GABRA5: variants seen among roughly 807,000 people sequenced by gnomAD.
GABRA5 encodes gamma-aminobutyric acid receptor subunit alpha-5.
A neutral mutation model predicts 47.3 loss-of-function variants in GABRA5; 18 were observed. That is an observed-to-expected ratio of 0.38 (90% CI 0.26 to 0.56). GABRA5 has a LOEUF of 0.56. GABRA5 is among the 20% of genes least tolerant of loss of function. GABRA5 has a pLI of 0.71. For synonymous variants in GABRA5, 237 were observed against 229.3 expected (o/e 1.03, Z -0.30); for missense variants, 365 against 599.3 (o/e 0.61, Z 4.08).
Position 26,883,053 on chromosome 15 carries a change from G to A in GABRA5, c.209-113G>A. ...GTCCTCCAAATTTACCAAACGCACT[G>A]CAAAAGCCCCCGGTTGCAGAGGGTG... On this transcript the variant is annotated intron_variant, in intron 4 of 10. Coordinates refer to ENST00000335625, the MANE Select transcript of GABRA5 (RefSeq NM_000810.4). This position sits in a 1 kb window ranked among gnomAD's most constrained non-coding sequence, Gnocchi z 4.8. The A allele has an allele frequency of 1.2e-6, 1 of 849,546 alleles. No individual in the cohort carries two copies. Among genetic ancestry groups the A allele is most frequent in the Non-Finnish European group, 2.0e-6 (1 of 489,978 alleles). 52.6% of individuals were successfully genotyped at this position (849,546 alleles called of 1,614,324 possible).
At chr15:26,945,267 T>A (rs1386787629) in intron 10 of GABRA5, among the ~76,000 whole-genome samples, 1 of 152,180 alleles carries the variant, frequency 6.6e-6, no homozygotes, top group African/African-American at 2.4e-5. Context: ...GGTCAGACAC[T>A]GGCGCGAGCG....
intron 8 of GABRA5, 105 bp downstream of exon 8, chr15:26,937,433 G>A (rs1370790131): frequency 1.2e-5 from 14 of 1,207,296 alleles, no homozygotes; most frequent in Admixed American, 5.8e-5. Flanking sequence ...GTGGGAGGCC[G>A]CACAGCAGCC....
At chr15:26,928,259 G>A (rs1434309759) in intron 7 of GABRA5, among the ~76,000 whole-genome samples, 3 of 152,166 alleles carry the variant, frequency 2.0e-5, no homozygotes, top group Non-Finnish European at 4.4e-5. Flanking sequence ...AATTATGCCT[G>A]CTGTTGCATT....
chr15:26,943,125 C>CT (rs1894424055), intron 9 of GABRA5, 90 bp from the exon 10 acceptor site: 1 of 824,800 alleles, frequency 1.2e-6, no homozygotes, highest in African/African-American at 1.8e-5. Flanking sequence ...CCCTTTGTGT[C>CT]TATCACTTTG....
intron 6 of GABRA5, among the ~76,000 whole-genome samples, chr15:26,888,867 C>A (rs968096415): frequency 1.3e-5 from 2 of 152,186 alleles, no homozygotes; most frequent in African/African-American, 4.8e-5. Flanking sequence ...CAAGTCCCCC[C>A]GGTAGGCTCT....
At chr15:26,911,135 C>T (rs2140290300) in intron 6 of GABRA5, among the ~76,000 whole-genome samples, 1 of 149,434 alleles carries the variant, frequency 6.7e-6, no homozygotes, top group East Asian at 2.0e-4. Context: ...AGAGGAGAGA[C>T]ACTATCATAG....
At chr15:26,877,500 G>A (rs910279154) in intron 3 of GABRA5, among the ~76,000 whole-genome samples, 1 of 152,194 alleles carries the variant, frequency 6.6e-6, no homozygotes, top group East Asian at 1.9e-4. Flanking sequence ...AACAAGCCCA[G>A]TTCAAGGTCC....
intron 10 of GABRA5, among the ~76,000 whole-genome samples, chr15:26,946,355 C>G (rs1374209974): frequency 6.6e-6 from 1 of 151,842 alleles, no homozygotes; most frequent in Non-Finnish European, 1.5e-5. Flanking sequence ...GCTGTTAACA[C>G]TTACGTATGC....
chr15:26,884,196 GAAA>G (rs796084162), intron 6 of GABRA5, among the ~76,000 whole-genome samples: 1 of 143,828 alleles, frequency 7.0e-6, no homozygotes. Flanking sequence ...CTCGAAAAAA[GAAA>G]AAAAAAAGAA....
chr15:26,869,157 G>C lies in GABRA5; in HGVS notation c.-74-18G>C. On this transcript the variant is annotated intron_variant, in intron 2 of 10. Coordinates refer to ENST00000335625, the MANE Select transcript of GABRA5 (RefSeq NM_000810.4). ...AGCATTGATGTTCACGTGCTTCCCCGCTTTGTGTGCTTTTCAGCTTCAAGA... is the reference window on the plus strand; with the variant it reads ...AGCATTGATGTTCACGTGCTTCCCCCCTTTGTGTGCTTTTCAGCTTCAAGA... The C allele has an allele frequency of 1.2e-6, 1 of 806,024 alleles. No individual in the cohort carries two copies. The highest frequency in any genetic ancestry group is 2.2e-6 in the Non-Finnish European group (1 of 451,480). The allele number at this position is 806,024 out of a possible 1,614,324, so 49.9% of individuals were successfully genotyped here.
chr15:26,882,514 A>G (rs1203927327), intron 4 of GABRA5, among the ~76,000 whole-genome samples: 2 of 152,212 alleles, frequency 1.3e-5, no homozygotes, highest in African/African-American at 4.8e-5. Flanking sequence ...TGCCCAGGGA[A>G]GTACACAGGT....
intron 6 of GABRA5, among the ~76,000 whole-genome samples, chr15:26,894,580 CCA>C (rs951847170): frequency 1.3e-5 from 2 of 152,176 alleles, no homozygotes; most frequent in African/African-American, 4.8e-5. Context: ...CTGGTCAAAT[CCA>C]GTTTCCCCTC....
At chr15:26,897,474 A>C (rs1893225724) in intron 6 of GABRA5, among the ~76,000 whole-genome samples, 1 of 152,060 alleles carries the variant, frequency 6.6e-6, no homozygotes, top group Admixed American at 6.6e-5. Flanking sequence ...GGGAAAATAC[A>C]TGTCTGTAGT....
intron 6 of GABRA5, among the ~76,000 whole-genome samples, chr15:26,896,033 C>G (rs1007695416): frequency 6.6e-6 from 1 of 152,024 alleles, no homozygotes; most frequent in African/African-American, 2.4e-5. Context: ...CATTCTTCCT[C>G]CGGGTTATCA....
rs143612731 is a variant in GABRA5 at position 26,905,053 on chromosome 15, C to A, written c.498-9750C>A. Among the ~76,000 whole-genome samples the A allele has an allele frequency of 2.6e-5, 4 of 152,176 alleles. No individual in the cohort carries two copies. In the East Asian group the frequency reaches 7.7e-4, roughly 29 times the overall value. ...CTTGTGCCAGTTTTCAAGGAGAATTCTTCGAGCTTTTGCCCATTCAGAATG... is the reference window on the plus strand; with the variant it reads ...CTTGTGCCAGTTTTCAAGGAGAATTATTCGAGCTTTTGCCCATTCAGAATG... On this transcript the variant is annotated intron_variant, in intron 6 of 10. Coordinates refer to ENST00000335625, the MANE Select transcript of GABRA5 (RefSeq NM_000810.4).
intron 7 of GABRA5, among the ~76,000 whole-genome samples, chr15:26,934,761 T>C (rs1894195595): frequency 6.6e-6 from 1 of 152,124 alleles, no homozygotes; most frequent in Non-Finnish European, 1.5e-5. Context: ...CTTACTTCCT[T>C]TGTAGTTATT....
At chr15:26,924,312 C>T (rs1893907952) in intron 7 of GABRA5, among the ~76,000 whole-genome samples, 1 of 151,942 alleles carries the variant, frequency 6.6e-6, no homozygotes, top group South Asian at 2.1e-4. Context: ...ACAGGACTTC[C>T]AGATCCATGC....
At chr15:26,880,762 G>C (rs759931432) in intron 3 of GABRA5, 84 bp from the exon 4 acceptor site, 3 of 1,442,260 alleles carry the variant, frequency 2.1e-6, no homozygotes, top group African/African-American at 1.4e-5. Context: ...AAGCCTCCAC[G>C]TGACTCCCTG....
chr15:26,914,694 G>T, intron 6 of GABRA5, 109 bp from the exon 7 acceptor site: 3 of 764,952 alleles, frequency 3.9e-6, no homozygotes, highest in South Asian at 1.5e-5. Flanking sequence ...TCTCATAAGA[G>T]ACATTAATTT....
Sources: allele counts gnomAD v4.1 joint callset (sites outside exome capture counted in the v4.1 genomes callset), GRCh38; gene constraint gnomAD v4.1.1; non-coding constraint Gnocchi (gnomAD v3.1); transcripts MANE v1.5; gene names NCBI Gene and HGNC (gene_info 2026-07-23, HGNC 2026-07-21).